CAMK2A: variants seen among roughly 807,000 people sequenced by gnomAD.
The protein encoded by CAMK2A is calcium/calmodulin-dependent protein kinase type II subunit alpha.
Under a neutral mutation model 79.2 loss-of-function variants are expected in CAMK2A, and 7 were observed. The observed-to-expected ratio is 0.09, with a 90% CI of 0.05 to 0.17. The LOEUF (loss-of-function observed/expected upper bound fraction) is 0.17, where lower values mean the gene tolerates loss of function less well. Ranked by LOEUF, CAMK2A falls within the 10% of genes least tolerant of loss-of-function variation. The pLI, the probability that CAMK2A is intolerant of heterozygous loss-of-function variation, is 1.00. For missense variants in CAMK2A, 214 were observed against 646.4 expected, an observed-to-expected ratio of 0.33 and a Z score of 7.25; for synonymous variants, 242 against 251.7, an observed-to-expected ratio of 0.96 and a Z score of 0.36.
At chr5:150,288,889 TG>T (rs1290503059) in intron 1 of CAMK2A, among the ~76,000 whole-genome samples, 1 of 152,198 alleles carries the variant, frequency 6.6e-6, no homozygotes, top group Non-Finnish European at 1.5e-5. Context: ...CCAGAGCCAC[TG>T]CACCCTTCAT....
At chr5:150,253,677 A>G in intron 6 of CAMK2A, 131 bp from the exon 7 acceptor site, 2 of 711,584 alleles carry the variant, frequency 2.8e-6, no homozygotes, top group Non-Finnish European at 4.9e-6. Context: ...CCCTGCTTTC[A>G]TCTCCAGCCC....
Position 150,238,755 on chromosome 5 carries a change from A to G in CAMK2A, c.1018-7T>C. On this transcript the variant is annotated splice_region_variant and splice_polypyrimidine_tract_variant and intron_variant, in intron 14 of 18. Transcript: ENST00000671881. ...TGGTGCTCTCTGAGGATTCCTGCCAAAGAGAATACAGGAGATGGTGAGGCC... is the reference window on the plus strand; with the variant it reads ...TGGTGCTCTCTGAGGATTCCTGCCAGAGAGAATACAGGAGATGGTGAGGCC... The G allele has an allele frequency of 1.2e-6, 2 of 1,602,844 alleles. No individual in the cohort carries two copies. Among genetic ancestry groups the G allele is most frequent in the Non-Finnish European group, 8.5e-7 (1 of 1,173,770 alleles).
chr5:150,238,537 A>C, intron 15 of CAMK2A, 163 bp downstream of exon 15: 1 of 728,110 alleles, frequency 1.4e-6, no homozygotes. Flanking sequence ...CCTCCATGGG[A>C]ATGATGCCTC....
intron 1 of CAMK2A, among the ~76,000 whole-genome samples, chr5:150,277,430 C>T (rs1756998470): frequency 1.3e-5 from 2 of 152,220 alleles, no homozygotes; most frequent in South Asian, 4.1e-4. Context: ...GAGGGGGGCT[C>T]TGCACAGGGA....
At chr5:150,253,178 G>A (rs1353229592) in intron 7 of CAMK2A, among the ~76,000 whole-genome samples, 2 of 152,220 alleles carry the variant, frequency 1.3e-5, no homozygotes, top group Non-Finnish European at 2.9e-5. Context: ...AGGAGAGATG[G>A]CGGAGGGGAG....
At chr5:150,289,802 TCGC>T, upstream of CAMK2A, 1 of 545,228 alleles carries the variant, frequency 1.8e-6, no homozygotes. Context: ...GCTCACAGCC[TCGC>T]GAGCCTTCGT....
Position 150,222,409 on chromosome 5 carries a change from G to C in CAMK2A, c.*301C>G. On this transcript the variant is annotated 3_prime_UTR_variant, in exon 19 of 19. Coordinates refer to ENST00000671881, the MANE Select transcript of CAMK2A (RefSeq NM_015981.4). ...TAGCCTACAGCCCAAGACAGATCAG[G>C]CGGACAGCAGCTGAGGCTGGGGAGA... 1 of 672,196 alleles carries C rather than the reference G, an allele frequency of 1.5e-6. No homozygotes were observed. Among genetic ancestry groups the C allele is most frequent in the Non-Finnish European group, 2.7e-6 (1 of 369,400 alleles). 41.6% of individuals were successfully genotyped at this position (672,196 alleles called of 1,614,324 possible).
chr5:150,257,763 C>T (rs1756122083), intron 3 of CAMK2A, 146 bp from the exon 4 acceptor site: 2 of 662,980 alleles, frequency 3.0e-6, no homozygotes, highest in South Asian at 1.7e-5. Context: ...CTTTGACAAG[C>T]GCTGGTGAAC....
intron 3 of CAMK2A, among the ~76,000 whole-genome samples, chr5:150,260,072 G>T: frequency 6.6e-6 from 1 of 152,086 alleles, no homozygotes. Flanking sequence ...TCCTATACTT[G>T]CATTATTACG....
At chr5:150,275,418 T>A (rs1756907860) in intron 1 of CAMK2A, among the ~76,000 whole-genome samples, 1 of 152,172 alleles carries the variant, frequency 6.6e-6, no homozygotes, top group Admixed American at 6.5e-5. Context: ...GGACACCAGT[T>A]GGGTATCCTA....
In CAMK2A at chr5:150,247,208, C is replaced by T. The variant is rs562829762; in HGVS notation, c.943+564G>A. Among the ~76,000 whole-genome samples the T allele has an allele frequency of 2.7e-4, 41 of 152,378 alleles. 1 individual carries two copies. The highest frequency in any genetic ancestry group is 7.3e-5 in the Non-Finnish European group (5 of 68,040). ...GACCCAATCCAGTTAAAGGCACTTG[C>T]CCTGGGTTTGGTCAAACCTGTGCTG... On this transcript the variant is annotated intron_variant, in intron 12 of 18. Coordinates refer to ENST00000671881, the MANE Select transcript of CAMK2A (RefSeq NM_015981.4).
At chr5:150,227,375 C>T (rs565995206) in intron 17 of CAMK2A, among the ~76,000 whole-genome samples, 2 of 152,350 alleles carry the variant, frequency 1.3e-5, no homozygotes, top group Admixed American at 6.5e-5. Flanking sequence ...CAAACCCATG[C>T]TGTTTTAAGT....
chr5:150,277,598 C>T (rs141700818), intron 1 of CAMK2A, among the ~76,000 whole-genome samples: 38 of 152,318 alleles, frequency 2.5e-4, no homozygotes, highest in African/African-American at 8.9e-4. Context: ...AGGTCCATGC[C>T]GTAGATGGGG....
chr5:150,228,339 C>A, intron 16 of CAMK2A, 53 bp from the exon 17 acceptor site: 1 of 1,286,368 alleles, frequency 7.8e-7, no homozygotes, highest in Non-Finnish European at 1.1e-6. Context: ...CTCATTGGAC[C>A]CTTGGAGGGT....
In CAMK2A at chr5:150,280,991, G is replaced by A. The variant is rs533910557; in HGVS notation, c.63-7832C>T. Among the ~76,000 whole-genome samples, 110 of 152,320 alleles carry A rather than the reference G, an allele frequency of 7.2e-4. 1 individual carries two copies. In the Middle Eastern group the frequency reaches 0.014, roughly 19 times the overall value. On this transcript the variant is annotated intron_variant, in intron 1 of 18. Coordinates refer to ENST00000671881, the MANE Select transcript of CAMK2A (RefSeq NM_015981.4). ...CTGTGCATTGTTCTGGGCAAAGGAT[G>A]CGTAGTCATCAGCTCTGCAAAGCAG...
rs1757363546 is a variant in CAMK2A at position 150,284,948 on chromosome 5, G to C, written c.62+4616C>G. Among the ~76,000 whole-genome samples the C allele has an allele frequency of 6.9e-6, 1 of 144,478 alleles. No homozygotes were observed. The highest frequency in any genetic ancestry group is 2.7e-5 in the African/African-American group (1 of 36,400). 94.8% of individuals were successfully genotyped at this position (144,478 alleles called of 152,430 possible). Reference sequence around the variant, plus strand: ...TGGCATCTCTAATGGGGCATTGCAGGCATCTCCAGAGGTATTATGATCCCC... The same window carrying C: ...TGGCATCTCTAATGGGGCATTGCAGCCATCTCCAGAGGTATTATGATCCCC... On this transcript the variant is annotated intron_variant, in intron 1 of 18. Coordinates refer to ENST00000671881, the MANE Select transcript of CAMK2A (RefSeq NM_015981.4). The surrounding 1 kb of genome is among the most constrained non-coding windows in gnomAD (Gnocchi z 5.3).
chr5:150,265,932 C>G (rs1346467349), intron 2 of CAMK2A, among the ~76,000 whole-genome samples: 2 of 144,468 alleles, frequency 1.4e-5, no homozygotes, highest in Non-Finnish European at 3.0e-5. Context: ...GAGACTTCAT[C>G]TCAAAAAAAA....
chr5:150,265,114 C>CG, intron 2 of CAMK2A, 99 bp from the exon 3 acceptor site: 1 of 914,124 alleles, frequency 1.1e-6, no homozygotes, highest in Non-Finnish European at 1.8e-6. Context: ...CCTCCCAGGG[C>CG]AGCCCCTGGG....
chr5:150,248,045 T>C (rs2150276635), intron 11 of CAMK2A, among the ~76,000 whole-genome samples: 1 of 152,278 alleles, frequency 6.6e-6, no homozygotes, highest in South Asian at 2.1e-4. Flanking sequence ...GTACAGCTCC[T>C]GGGACAAGGC....
Sources: allele counts gnomAD v4.1 joint callset (sites outside exome capture counted in the v4.1 genomes callset), GRCh38; gene constraint gnomAD v4.1.1; non-coding constraint Gnocchi (gnomAD v3.1); transcripts MANE v1.5; gene names NCBI Gene and HGNC (gene_info 2026-07-23, HGNC 2026-07-21).